GRIK1: variants seen among roughly 807,000 people sequenced by gnomAD.
GRIK1 encodes glutamate receptor ionotropic, kainate 1.
Under a neutral mutation model 105.7 loss-of-function variants are expected in GRIK1, and 69 were observed. The observed-to-expected ratio is 0.65, with a 90% CI of 0.54 to 0.80. The LOEUF is 0.80. Among genes scored for constraint, GRIK1 ranks in the 30% least tolerant of loss-of-function variants. The pLI is 0.00. For synonymous variants in GRIK1, 438 were observed against 431.3 expected, an observed-to-expected ratio of 1.02 and a Z score of -0.19; for missense variants, 1,109 against 1,167.3, an observed-to-expected ratio of 0.95 and a Z score of 0.73.
At chr21:29,754,136 C>T (rs1303430265) in intron 1 of GRIK1, among the ~76,000 whole-genome samples, 3 of 152,106 alleles carry the variant, frequency 2.0e-5, no homozygotes, top group Non-Finnish European at 4.4e-5. Context: ...ATTCTAACCT[C>T]TCCTGCATAG....
At chr21:29,857,234 G>A (rs2068490189) in intron 1 of GRIK1, among the ~76,000 whole-genome samples, 1 of 152,140 alleles carries the variant, frequency 6.6e-6, no homozygotes, top group East Asian at 1.9e-4. Flanking sequence ...AAAAATAGTG[G>A]CATGAAATAG....
At chr21:29,896,209 G>A (rs2070150647) in intron 1 of GRIK1, among the ~76,000 whole-genome samples, 1 of 152,172 alleles carries the variant, frequency 6.6e-6, no homozygotes, top group Admixed American at 6.5e-5. Flanking sequence ...CGAATTGTGT[G>A]CAAACTGTTC....
At chr21:29,695,192 T>C (rs900523495) in intron 1 of GRIK1, among the ~76,000 whole-genome samples, 2 of 152,108 alleles carry the variant, frequency 1.3e-5, no homozygotes, top group African/African-American at 4.8e-5. Flanking sequence ...GCTTGAGACA[T>C]TGATGTTTGA....
intron 11 of GRIK1, among the ~76,000 whole-genome samples, chr21:29,588,215 C>G (rs2061275499): frequency 6.6e-6 from 1 of 151,836 alleles, no homozygotes; most frequent in Admixed American, 6.6e-5. Context: ...ACCTTGTGAT[C>G]CGCCTGCCTC....
Position 29,867,932 on chromosome 21 carries a change from GAGAA to G in GRIK1, c.118+71447_118+71450del, listed in dbSNP as rs1346679719. Among the ~76,000 whole-genome samples the G allele has an allele frequency of 1.9e-3, 195 of 104,602 alleles. 1 individual carries two copies. The highest frequency in any genetic ancestry group is 7.1e-3 in the African/African-American group (192 of 26,910). The allele number at this position is 104,602 out of a possible 152,430, so 68.6% of individuals were successfully genotyped here. On this transcript the variant is annotated intron_variant, in intron 1 of 17. Coordinates refer to ENST00000327783, the MANE Select transcript of GRIK1 (RefSeq NM_001330994.2). ...AAAGAGAGAGAAAGAGAGAAAGAGA[GAGAA>G]AGAGAGAGAGAAAGAGAGAGAAAAT... is the stretch of plus-strand genomic sequence containing the variant.
intron 2 of GRIK1, among the ~76,000 whole-genome samples, chr21:29,692,777 G>A (rs1235134030): frequency 6.6e-6 from 1 of 152,174 alleles, no homozygotes; most frequent in Admixed American, 6.5e-5. Context: ...GTTTCACCAT[G>A]TTAGACAGAA....
At chr21:29,905,602 T>C (rs1393593996) in intron 1 of GRIK1, among the ~76,000 whole-genome samples, 1 of 148,524 alleles carries the variant, frequency 6.7e-6, no homozygotes, top group Non-Finnish European at 1.5e-5. Flanking sequence ...CGCACCATCA[T>C]GCCCAGCAAA....
intron 7 of GRIK1, among the ~76,000 whole-genome samples, chr21:29,607,149 C>A (rs889850751): frequency 6.6e-6 from 1 of 152,088 alleles, no homozygotes; most frequent in Non-Finnish European, 1.5e-5. Flanking sequence ...CCTGGCACTT[C>A]GTTCTCATCA....
At chr21:29,555,600 G>A (rs567635205) in intron 15 of GRIK1, among the ~76,000 whole-genome samples, 65 of 152,124 alleles carry the variant, frequency 4.3e-4, no homozygotes, top group Non-Finnish European at 7.6e-4. Context: ...AGATCATTAT[G>A]AGTCTTTTCA....
At chr21:29,628,840 T>C (rs747988796) in intron 7 of GRIK1, among the ~76,000 whole-genome samples, 25 of 152,358 alleles carry the variant, frequency 1.6e-4, no homozygotes, top group Non-Finnish European at 3.5e-4. Flanking sequence ...GTTGCCCAGA[T>C]GCCTATCATT....
intron 1 of GRIK1, among the ~76,000 whole-genome samples, chr21:29,773,253 A>T (rs1382551923): frequency 2.0e-5 from 3 of 152,188 alleles, no homozygotes; most frequent in Admixed American, 1.3e-4. Context: ...GGACTGGGAG[A>T]AGATAAATGC....
At chr21:29,898,427 G>C (rs1429357993) in intron 1 of GRIK1, among the ~76,000 whole-genome samples, 3 of 152,180 alleles carry the variant, frequency 2.0e-5, no homozygotes, top group Non-Finnish European at 4.4e-5. Context: ...GGTCAGGTGA[G>C]GGGGTTAGTT....
intron 1 of GRIK1, among the ~76,000 whole-genome samples, chr21:29,907,761 T>C (rs1230438426): frequency 6.6e-6 from 1 of 152,130 alleles, no homozygotes; most frequent in South Asian, 2.1e-4. Context: ...CTGTCCATAA[T>C]ATGCTAGTGA....
chr21:29,879,044 GA>G (rs970004453), intron 1 of GRIK1, among the ~76,000 whole-genome samples: 5 of 152,130 alleles, frequency 3.3e-5, no homozygotes, highest in African/African-American at 1.2e-4. Context: ...CTCAATGGTT[GA>G]AAGAGGAGCA....
At chr21:29,746,491 C>T (rs905905503) in intron 1 of GRIK1, among the ~76,000 whole-genome samples, 6 of 152,206 alleles carry the variant, frequency 3.9e-5, no homozygotes, top group African/African-American at 1.2e-4. Flanking sequence ...AGTGGTCTCC[C>T]TGTTTCTTTC....
chr21:29,673,605 T>C (rs1456107527), intron 3 of GRIK1, among the ~76,000 whole-genome samples: 1 of 152,228 alleles, frequency 6.6e-6, no homozygotes, highest in Non-Finnish European at 1.5e-5. Context: ...TTTTATTAAG[T>C]ATTTATATAT....
chr21:29,705,126 C>T (rs1381157748), intron 1 of GRIK1, among the ~76,000 whole-genome samples: 2 of 152,122 alleles, frequency 1.3e-5, no homozygotes, highest in African/African-American at 4.8e-5. Flanking sequence ...TAGTTTTCTT[C>T]TTCTGTATTT....
chr21:29,718,193 A>G (rs961133459), intron 1 of GRIK1, among the ~76,000 whole-genome samples: 7 of 152,224 alleles, frequency 4.6e-5, no homozygotes, highest in African/African-American at 1.7e-4. Context: ...TCTTCATAGC[A>G]GCATGATAAT....
rs2061466231 is a variant in GRIK1, at chr21:29,598,890, A to G, written c.1146T>C (p.Asn382=). ...LTGHITFNKT[N]GLRKDFDLDI... is the part of the protein sequence containing the mutation. ...CCAGATCAAAATCCTTCCTCAAGCC[A>G]TTGGTTTTATTAAAGGTGATATGCC... is the stretch of plus-strand genomic sequence containing the variant. Residue 382 remains asparagine (N), a synonymous_variant, in exon 8 of 18, where the codon AAT becomes AAC. Coordinates refer to ENST00000327783, the MANE Select transcript of GRIK1 (RefSeq NM_001330994.2). 6.2e-7 allele frequency: 1 copy of G among 1,600,196 alleles called. No individual in the cohort carries two copies.
Sources: gnomAD v4.1 joint callset for allele counts (sites outside exome capture counted in the v4.1 genomes callset) on GRCh38, gnomAD v4.1.1 for gene constraint, MANE v1.5 for transcripts, NCBI Gene and HGNC (gene_info 2026-07-23, HGNC 2026-07-21) for gene names.